PIK3CB: variants seen among roughly 807,000 people sequenced by gnomAD.
PIK3CB encodes phosphatidylinositol-4,5-bisphosphate 3-kinase catalytic subunit beta.
A neutral mutation model predicts 136.8 loss-of-function variants in PIK3CB; 39 were observed. The ratio of observed to expected loss-of-function variants is 0.29; its 90% CI spans 0.22 to 0.37. PIK3CB has a LOEUF of 0.37. Among genes scored for constraint, PIK3CB ranks in the 10% least tolerant of loss-of-function variants. PIK3CB has a pLI of 1.00. For synonymous variants in PIK3CB, 428 were observed against 436.6 expected, an observed-to-expected ratio of 0.98 and a Z score of 0.25; for missense variants, 868 against 1,275.4, an observed-to-expected ratio of 0.68 and a Z score of 4.87.
chr3:138,698,659 A>G (rs2044186343), intron 13 of PIK3CB, among the ~76,000 whole-genome samples: 1 of 152,166 alleles, frequency 6.6e-6, no homozygotes, highest in African/African-American at 2.4e-5. Context: ...TTGATAGATA[A>G]TTGTCCCAAG....
At chr3:138,791,834 C>T (rs1435530552) in intron 2 of PIK3CB, among the ~76,000 whole-genome samples, 1 of 152,184 alleles carries the variant, frequency 6.6e-6, no homozygotes, top group African/African-American at 2.4e-5. Flanking sequence ...CTAACTTTAC[C>T]TTAGTAAACA....
intron 2 of PIK3CB, among the ~76,000 whole-genome samples, chr3:138,775,329 T>C (rs139865966): frequency 1.5e-3 from 221 of 152,296 alleles, no homozygotes; most frequent in Middle Eastern, 6.8e-3. Context: ...ACTTATTCTG[T>C]TTAAGATACC....
chr3:138,830,945 TAATAATAAA>T (rs1345845731), intron 1 of PIK3CB, among the ~76,000 whole-genome samples: 19 of 143,360 alleles, frequency 1.3e-4, no homozygotes, highest in African/African-American at 4.7e-4. Context: ...ATAATAATAA[TAATAATAAA>T]GCAGGAACTC....
At chr3:138,743,771 A>G (rs969593767) in intron 4 of PIK3CB, among the ~76,000 whole-genome samples, 1 of 151,482 alleles carries the variant, frequency 6.6e-6, no homozygotes, top group African/African-American at 2.4e-5. Context: ...TATATTGTCC[A>G]AGTTGTCTTG....
chr3:138,815,430 G>GA (rs35766049), intron 1 of PIK3CB, among the ~76,000 whole-genome samples: 63,077 of 116,084 alleles, frequency 0.54, 18,743 homozygotes, highest in Non-Finnish European at 0.68. Context: ...TGTTACAAAA[G>GA]AAAAAAAAAA....
chr3:138,826,315 C>G, intron 1 of PIK3CB: 1 of 1,597,530 alleles, frequency 6.3e-7, no homozygotes, highest in South Asian at 1.1e-5. Context: ...CCAGAAAGCT[C>G]AGAAGGCTAA....
At chr3:138,674,178 G>A (rs939605029) in intron 19 of PIK3CB, among the ~76,000 whole-genome samples, 16 of 151,818 alleles carry the variant, frequency 1.1e-4, no homozygotes, top group African/African-American at 3.9e-4. Flanking sequence ...AGAAGGCCGT[G>A]TGCATGGATA....
intron 4 of PIK3CB, among the ~76,000 whole-genome samples, chr3:138,753,828 G>A (rs1431911603): frequency 6.6e-6 from 1 of 151,960 alleles, no homozygotes; most frequent in Non-Finnish European, 1.5e-5. Flanking sequence ...AAATCAAAAA[G>A]AACATGGCCT....
intron 16 of PIK3CB, among the ~76,000 whole-genome samples, chr3:138,685,925 C>A (rs2043881901): frequency 6.6e-6 from 1 of 152,006 alleles, no homozygotes; most frequent in South Asian, 2.1e-4. Flanking sequence ...TGAGTTGAGG[C>A]CAGGAGTTCA....
chr3:138,677,058 AT>A (rs5852918), intron 19 of PIK3CB, among the ~76,000 whole-genome samples: 99 of 143,550 alleles, frequency 6.9e-4, no homozygotes, highest in Non-Finnish European at 7.1e-4. Flanking sequence ...ATTATGCAAG[AT>A]TTTTTTTTTT....
Position 138,820,805 on chromosome 3 carries a change from T to C in PIK3CB, c.-122+13890A>G, listed in dbSNP as rs567192833. 4.6e-5 allele frequency among the ~76,000 whole-genome samples: 7 copies of C among 152,342 alleles called. No individual in the cohort carries two copies. In the South Asian group the frequency reaches 6.2e-4, roughly 14 times the overall value. On this transcript the variant is annotated intron_variant, in intron 1 of 23. Coordinates refer to ENST00000674063, the MANE Select transcript of PIK3CB (RefSeq NM_006219.3). ...CACCGTGCCTGGTCCACTTTCTTCA[T>C]TCTGTTAAATGGCTACAGAGCATTC...
At chr3:138,788,918 C>T (rs1332026955) in intron 2 of PIK3CB, among the ~76,000 whole-genome samples, 7 of 135,490 alleles carry the variant, frequency 5.2e-5, no homozygotes, top group Non-Finnish European at 6.1e-5. Context: ...GAGCCCAGAT[C>T]GTGCCATTGC....
At chr3:138,783,529 G>T (rs750378942) in intron 2 of PIK3CB, among the ~76,000 whole-genome samples, 3 of 151,984 alleles carry the variant, frequency 2.0e-5, no homozygotes, top group Non-Finnish European at 4.4e-5. Context: ...CCCATCCCCC[G>T]GCCTTGGTCT....
chr3:138,805,846 C>T (rs1246754190), intron 1 of PIK3CB, among the ~76,000 whole-genome samples: 1 of 151,372 alleles, frequency 6.6e-6, no homozygotes, highest in African/African-American at 2.4e-5. Context: ...TCTCCTGCCT[C>T]AGCTTCCTGA....
intron 21 of PIK3CB, among the ~76,000 whole-genome samples, chr3:138,659,925 G>C (rs1311175589): frequency 7.7e-6 from 1 of 130,032 alleles, no homozygotes; most frequent in East Asian, 2.2e-4. Context: ...GCCCAGGCTA[G>C]AGTGCAGTGG....
intron 12 of PIK3CB, among the ~76,000 whole-genome samples, chr3:138,701,004 T>C (rs1691473221): frequency 1.3e-5 from 2 of 152,118 alleles, no homozygotes; most frequent in South Asian, 4.1e-4. Flanking sequence ...AACCAAGGGA[T>C]AACAGTTAAC....
At chr3:138,701,419 C>T (rs910306561) in intron 12 of PIK3CB, among the ~76,000 whole-genome samples, 10 of 151,918 alleles carry the variant, frequency 6.6e-5, no homozygotes, top group Non-Finnish European at 1.0e-4. Flanking sequence ...ATTTTCCTGA[C>T]CTTCATGAAT....
intron 8 of PIK3CB, among the ~76,000 whole-genome samples, chr3:138,722,229 C>G (rs200178964): frequency 1.8e-4 from 8 of 43,260 alleles, no homozygotes; most frequent in Non-Finnish European, 5.3e-4. Context: ...GAGACACACA[C>G]ACACACACAC....
At position 138,694,874 on chromosome 3, in the gene PIK3CB, G is replaced by C. The variant is rs536248537; in HGVS notation, c.1804C>G (p.Pro602Ala). ...QALLQIWPKL[P>A]PREALELLDF... Reference sequence around the variant, plus strand: ...AGAAGCTCTAGGGCCTCCCGGGGGGGCAGTTTAGGCCAAATCTGAAGCAGC... The same window carrying C: ...AGAAGCTCTAGGGCCTCCCGGGGGGCCAGTTTAGGCCAAATCTGAAGCAGC... Residue 602 changes from proline to alanine, a missense_variant, in exon 14 of 24, where the codon CCC becomes GCC. Transcript: ENST00000674063. 1 of 1,610,868 alleles carries C rather than the reference G, an allele frequency of 6.2e-7. No homozygotes were observed. Among genetic ancestry groups the C allele is most frequent in the Admixed American group, 1.7e-5 (1 of 59,544 alleles).
Sources: gnomAD v4.1 joint callset for allele counts (sites outside exome capture counted in the v4.1 genomes callset) on GRCh38, gnomAD v4.1.1 for gene constraint, MANE v1.5 for transcripts, NCBI Gene and HGNC (gene_info 2026-07-23, HGNC 2026-07-21) for gene names.